The following RAB3GAP2 variants were observed in gnomAD, a reference collection of about 807,000 sequenced individuals.
The protein encoded by RAB3GAP2 is rab3 GTPase-activating protein non-catalytic subunit.
Under a neutral mutation model 185.3 loss-of-function variants are expected in RAB3GAP2, and 87 were observed. The ratio of observed to expected loss-of-function variants is 0.47; its 90% confidence interval spans 0.39 to 0.56. The LOEUF (loss-of-function observed/expected upper bound fraction) is 0.56. Ranked by LOEUF, RAB3GAP2 falls within the 20% of genes least tolerant of loss-of-function variation. RAB3GAP2 has a pLI of 0.00. For synonymous variants in RAB3GAP2, 554 were observed against 576.1 expected (o/e 0.96, Z 0.55); for missense variants, 1,492 against 1,638.2 (o/e 0.91, Z 1.54).
chr1:220,167,475 T>C, intron 25 of RAB3GAP2, 27 bp downstream of exon 25: 1 of 1,613,860 alleles, frequency 6.2e-7, no homozygotes. Flanking sequence ...AATTTGGATT[T>C]CATATTTCTC....
chr1:220,164,471 T>A (rs1384627755), intron 27 of RAB3GAP2, among the ~76,000 whole-genome samples: 1 of 141,248 alleles, frequency 7.1e-6, no homozygotes, highest in Non-Finnish European at 1.5e-5. Flanking sequence ...GTTTTTTGTT[T>A]TGTTTTTTTT....
At chr1:220,250,450 A>G (rs994399123) in intron 1 of RAB3GAP2, among the ~76,000 whole-genome samples, 2 of 152,252 alleles carry the variant, frequency 1.3e-5, no homozygotes, top group Middle Eastern at 3.2e-3. Context: ...CTACAGGCTC[A>G]TAGGTGGAAG....
rs1383998271 is a variant in RAB3GAP2, at chr1:220,149,055, T to G, written c.*2196A>C. ...TACCTTTGTTTCAGAAACCACCCATTCTACATTAAAATCTAATTCCTTTAT... is the reference window on the plus strand; with the variant it reads ...TACCTTTGTTTCAGAAACCACCCATGCTACATTAAAATCTAATTCCTTTAT... On this transcript the variant is annotated 3_prime_UTR_variant, in exon 35 of 35. Coordinates refer to ENST00000358951, the MANE Select transcript of RAB3GAP2 (RefSeq NM_012414.4). 1 of 152,194 alleles carries G rather than the reference T, an allele frequency of 6.6e-6. No individual in the cohort carries two copies. Among genetic ancestry groups the G allele is most frequent in the Non-Finnish European group, 1.5e-5 (1 of 68,030 alleles). 9.4% of individuals were successfully genotyped at this position (152,194 alleles called of 1,614,324 possible).
Position 220,210,995 on chromosome 1 carries a change from C to T in RAB3GAP2, c.394G>A (p.Val132Ile), listed in dbSNP as rs1659076047. 6 of 1,613,534 alleles carry T rather than the reference C, an allele frequency of 3.7e-6. No individual in the cohort carries two copies. Among genetic ancestry groups the T allele is most frequent in the South Asian group, 1.1e-5 (1 of 91,052 alleles). Residue 132 changes from valine (V) to isoleucine (I), a missense_variant, in exon 5 of 35, where the codon GTA (valine) becomes ATA (isoleucine). Around this residue, in one of 5 missense-constraint regions of RAB3GAP2, gnomAD observed 177 missense variants for 160.6 expected, o/e 1.10. Coordinates refer to ENST00000358951, the MANE Select transcript of RAB3GAP2 (RefSeq NM_012414.4). ...AGTGGGATACATAGAGCACTGGTTACACATTCCCTAAAAACAAAAACAAAA... is the reference window on the plus strand; with the variant it reads ...AGTGGGATACATAGAGCACTGGTTATACATTCCCTAAAAACAAAAACAAAA... Reference protein sequence around the residue: ...GSLNVEEGECVTSALCIPLAS... With the variant: ...GSLNVEEGECITSALCIPLAS...
intron 33 of RAB3GAP2, among the ~76,000 whole-genome samples, chr1:220,152,159 T>A (rs781290217): frequency 6.6e-6 from 1 of 152,188 alleles, no homozygotes; most frequent in Non-Finnish European, 1.5e-5. Context: ...TACTGCAGCC[T>A]CCACCTCCTG....
chr1:220,216,220 T>C (rs992990402), intron 2 of RAB3GAP2, among the ~76,000 whole-genome samples: 1 of 152,164 alleles, frequency 6.6e-6, no homozygotes, highest in Non-Finnish European at 1.5e-5. Flanking sequence ...GGCTGCACCA[T>C]CTCCCGAAAG....
chr1:220,180,354 AGTT>A (rs1322032979), intron 21 of RAB3GAP2, among the ~76,000 whole-genome samples: 3 of 152,190 alleles, frequency 2.0e-5, no homozygotes, highest in Admixed American at 6.5e-5. Flanking sequence ...CAACAAAAAA[AGTT>A]GTTTTTATTA....
Position 220,249,945 on chromosome 1 carries a change from G to T in RAB3GAP2, c.116-17082C>A, listed in dbSNP as rs1161048859. On this transcript the variant is annotated intron_variant, in intron 1 of 34. Coordinates refer to ENST00000358951, the MANE Select transcript of RAB3GAP2 (RefSeq NM_012414.4). ...GAGATGCCTGGATGTCCAAGCAGAA[G>T]TTTGCTGCAGGGGCAGAACCCTAAT... Among the ~76,000 whole-genome samples, 5 of 152,328 alleles carry T rather than the reference G, an allele frequency of 3.3e-5. No homozygotes were observed. In the South Asian group the frequency reaches 6.2e-4, roughly 19 times the overall value.
chr1:220,228,043 G>A (rs111753468), intron 2 of RAB3GAP2, among the ~76,000 whole-genome samples: 220 of 152,286 alleles, frequency 1.4e-3, no homozygotes, highest in African/African-American at 5.1e-3. Flanking sequence ...GTGAGCCACC[G>A]CGCCTGGCCT....
At chr1:220,211,228 A>T (rs1659079590) in intron 4 of RAB3GAP2, 13 of 668,132 alleles carry the variant, frequency 1.9e-5, no homozygotes, top group South Asian at 1.4e-4. Context: ...AAAAAACAGA[A>T]TTTTTCACTC....
chr1:220,257,815 AATAG>A (rs1392511073), intron 1 of RAB3GAP2, among the ~76,000 whole-genome samples: 2 of 152,246 alleles, frequency 1.3e-5, no homozygotes, highest in Non-Finnish European at 2.9e-5. Flanking sequence ...AAATTAATAA[AATAG>A]ATAGAACTCT....
At chr1:220,156,876 G>C (rs1390701033) in intron 31 of RAB3GAP2, among the ~76,000 whole-genome samples, 1 of 152,098 alleles carries the variant, frequency 6.6e-6, no homozygotes, top group African/African-American at 2.4e-5. Context: ...TTTAGGTTAG[G>C]GGCAGGATGT....
intron 24 of RAB3GAP2, among the ~76,000 whole-genome samples, chr1:220,167,995 T>C (rs991188093): frequency 2.0e-5 from 3 of 152,202 alleles, no homozygotes; most frequent in Non-Finnish European, 4.4e-5. Flanking sequence ...CAAAAAAAAT[T>C]AATATATACT....
At chr1:220,172,823 G>T in intron 21 of RAB3GAP2, 81 bp from the exon 22 acceptor site, 1 of 856,920 alleles carries the variant, frequency 1.2e-6, no homozygotes, top group Non-Finnish European at 2.0e-6. Context: ...GACAGCAGAT[G>T]CATGCATATG....
At position 220,233,376 on chromosome 1, in the gene RAB3GAP2, C is replaced by G. The variant is rs548650458; in HGVS notation, c.116-513G>C. On this transcript the variant is annotated intron_variant, in intron 1 of 34. Transcript: ENST00000358951. ...CTATTCTGCACCCTTTTCTGATATT[C>G]TGTGATTTCTTATATGTTGGATCGT... is the stretch of plus-strand genomic sequence containing the variant. 8.5e-5 allele frequency among the ~76,000 whole-genome samples: 13 copies of G among 152,270 alleles called. No individual in the cohort carries two copies. The South Asian group carries it at 2.7e-3, about 32-fold the overall frequency.
chr1:220,250,316 T>C (rs1659908826), intron 1 of RAB3GAP2, among the ~76,000 whole-genome samples: 1 of 152,138 alleles, frequency 6.6e-6, no homozygotes. Context: ...CCCCATTGAG[T>C]TTTGGACTTA....
intron 1 of RAB3GAP2, among the ~76,000 whole-genome samples, chr1:220,263,793 T>C (rs1660182454): frequency 1.3e-5 from 2 of 152,052 alleles, no homozygotes; most frequent in Non-Finnish European, 2.9e-5. Flanking sequence ...TTTTCTTATG[T>C]ACGCTATTAT....
Position 220,189,782 on chromosome 1 carries a change from AT to A in RAB3GAP2, c.1715-16del, listed in dbSNP as rs747657098. On this transcript the variant is annotated splice_polypyrimidine_tract_variant and intron_variant, in intron 16 of 34. Coordinates refer to ENST00000358951, the MANE Select transcript of RAB3GAP2 (RefSeq NM_012414.4). The stretch of plus-strand genomic sequence containing the variant: ...TTCAACCAAATCTATAAAGAAAAAA[AT>A]AATCAAAGTAAAATTTTAATTTTTA... The A allele has an allele frequency of 3.2e-5, 47 of 1,455,032 alleles. No homozygotes were observed. In the African/African-American group the frequency reaches 6.2e-4, roughly 19 times the overall value. The allele number at this position is 1,455,032 out of a possible 1,614,324, so 90.1% of individuals were successfully genotyped here. A position where few individuals can be genotyped will look rare whatever the true frequency, so the allele number is the denominator to read the frequency against.
chr1:220,154,877 C>G (rs376224187), intron 31 of RAB3GAP2, among the ~76,000 whole-genome samples: 1 of 151,968 alleles, frequency 6.6e-6, no homozygotes, highest in African/African-American at 2.4e-5. Context: ...TGTACTACCA[C>G]GCCAAGGCTA....
Sources: allele counts gnomAD v4.1 joint callset (sites outside exome capture counted in the v4.1 genomes callset), GRCh38; gene constraint gnomAD v4.1.1; regional missense constraint gnomAD v4.1.1; transcripts MANE v1.5; gene names NCBI Gene and HGNC (gene_info 2026-07-23, HGNC 2026-07-21).